The following USP10 variants were observed in gnomAD, a reference collection of about 807,000 sequenced individuals.
USP10 encodes the protein ubiquitin carboxyl-terminal hydrolase 10.
A neutral mutation model predicts 84.5 loss-of-function variants in USP10; 22 were observed. That is an observed-to-expected ratio of 0.26 (90% CI 0.19 to 0.37). The LOEUF is 0.37. Ranked by LOEUF, USP10 falls within the 10% of genes least tolerant of loss-of-function variation. USP10 has a pLI of 1.00. For missense variants in USP10, 1,019 were observed against 998.9 expected (o/e 1.02, Z -0.27); for synonymous variants, 454 against 387.6 (o/e 1.17, Z -2.01).
intron 13 of USP10, among the ~76,000 whole-genome samples, chr16:84,778,363 G>C (rs186294314): frequency 1.3e-5 from 2 of 152,026 alleles, no homozygotes; most frequent in Non-Finnish European, 2.9e-5. Context: ...GCGTATTCCC[G>C]CATCACCATT....
At chr16:84,773,515 C>G (rs1204412182) in intron 12 of USP10, among the ~76,000 whole-genome samples, 2 of 152,162 alleles carry the variant, frequency 1.3e-5, no homozygotes, top group Admixed American at 6.5e-5. Context: ...CCTGTCTACC[C>G]TAGGGGCGCC....
chr16:84,775,173 A>T lies in USP10; in HGVS notation c.2157A>T (p.Pro719=). ...TTTGTTTTCCAGAACTGCTTTCTCC[A>T]GGGGTTAAAAATAAGAATTTTAAAT... ...DLEISKELLS[P]GVKNKNFKCH... is the part of the protein sequence containing the mutation. The change falls in exon 13 of 14, where the codon CCA becomes CCT. Residue 719 remains proline (P), a synonymous_variant. Transcript: ENST00000219473. 1 of 1,613,836 alleles carries T rather than the reference A, an allele frequency of 6.2e-7. No individual in the cohort carries two copies.
At chr16:84,742,465 C>A (rs11641007) in intron 3 of USP10, among the ~76,000 whole-genome samples, 10,647 of 152,284 alleles carry the variant, frequency 0.07, 414 homozygotes, top group Non-Finnish European at 0.077. Flanking sequence ...TCACTAATCT[C>A]TGTATATTTC....
In USP10 at chr16:84,763,080, G is replaced by A; in HGVS notation, c.1646G>A (p.Ser549Asn). ...MLNLKKLLSP[S>N]NEKLTISNGP... Reference sequence around the variant, plus strand: ...AACCTAAAGAAGCTTCTCTCACCAAGTAATGAAAGTAGGTTATGGTCCACT... The same window carrying A: ...AACCTAAAGAAGCTTCTCTCACCAAATAATGAAAGTAGGTTATGGTCCACT... Residue 549 changes from serine (S) to asparagine (N), a missense_variant, in exon 9 of 14, where the codon AGT (serine) becomes AAT (asparagine). Coordinates refer to ENST00000219473, the MANE Select transcript of USP10 (RefSeq NM_005153.3). 6.2e-7 allele frequency: 1 copy of A among 1,608,900 alleles called. No individual in the cohort carries two copies. The highest frequency in any genetic ancestry group is 1.7e-4 in the Middle Eastern group (1 of 6,050).
Position 84,745,630 on chromosome 16 carries a change from G to A in USP10, c.1149G>A (p.Gly383=), listed in dbSNP as rs1299032132. 3.1e-6 allele frequency: 5 copies of A among 1,613,284 alleles called. No individual in the cohort carries two copies. In the African/African-American group the frequency reaches 4.0e-5, roughly 13 times the overall value. ...VSEKQVEVKE[G]LVPVSEDPVA... ...AAAAGCAGGTTGAAGTCAAAGAAGG[G>A]CTTGTTCCGGTTTCAGAGGATCCTG... Residue 383 remains glycine (G), a synonymous_variant, in exon 4 of 14, where the codon GGG becomes GGA. Coordinates refer to ENST00000219473, the MANE Select transcript of USP10 (RefSeq NM_005153.3).
intron 1 of USP10, among the ~76,000 whole-genome samples, chr16:84,715,432 G>C (rs1906885271): frequency 6.6e-6 from 1 of 152,110 alleles, no homozygotes; most frequent in Non-Finnish European, 1.5e-5. Flanking sequence ...TTCTTTTGTA[G>C]TAATTCAGAG....
Position 84,764,237 on chromosome 16 carries a change from C to T in USP10, c.1806C>T (p.Ile602=). ...TRQADFVQTP[I]TGIFGGHIRS... Reference sequence around the variant, plus strand: ...AGGCGGATTTTGTTCAGACTCCAATCACCGGCATTTTTGGTGGACACATCA... The same window carrying T: ...AGGCGGATTTTGTTCAGACTCCAATTACCGGCATTTTTGGTGGACACATCA... The change falls in exon 10 of 14, where the codon ATC becomes ATT. Residue 602 remains isoleucine (I), a synonymous_variant. Transcript: ENST00000219473. The T allele has an allele frequency of 1.2e-6, 2 of 1,614,062 alleles. No individual in the cohort carries two copies. The highest frequency in any genetic ancestry group is 1.7e-6 in the Non-Finnish European group (2 of 1,179,904).
chr16:84,745,168 C>T lies in USP10; in HGVS notation c.687C>T (p.Pro229=), dbSNP rs774851664. 47 of 1,613,202 alleles carry T rather than the reference C, an allele frequency of 2.9e-5. 1 individual carries two copies. The highest frequency in any genetic ancestry group is 2.7e-4 in the East Asian group (12 of 44,876). The change falls in exon 4 of 14, where the codon CCC becomes CCT. Residue 229 remains proline, a synonymous_variant. Coordinates refer to ENST00000219473, the MANE Select transcript of USP10 (RefSeq NM_005153.3). ...ACATTGTGCCTGACAGTCCTTTCCC[C>T]GGAGCACTCGGCAGTGACACCAGGA... ...VSDIVPDSPF[P]GALGSDTRTA...
At chr16:84,754,946 G>C (rs1912351087) in intron 4 of USP10, among the ~76,000 whole-genome samples, 1 of 150,862 alleles carries the variant, frequency 6.6e-6, no homozygotes, top group Non-Finnish European at 1.5e-5. Flanking sequence ...TTCGAGACCA[G>C]CCTGGCCAAT....
intron 1 of USP10, among the ~76,000 whole-genome samples, chr16:84,715,373 G>T (rs760324183): frequency 6.6e-6 from 1 of 152,204 alleles, no homozygotes; most frequent in Non-Finnish European, 1.5e-5. Context: ...AACTGGGCAC[G>T]TTACAAGATG....
In USP10 at chr16:84,745,433, G is replaced by A. The variant is rs1002977893; in HGVS notation, c.952G>A (p.Glu318Lys). 5 of 1,613,630 alleles carry A rather than the reference G, an allele frequency of 3.1e-6. No homozygotes were observed. The highest frequency in any genetic ancestry group is 2.2e-5 in the East Asian group (1 of 44,900). ...CATAGACTTGGACCCAACCAAACCC[G>A]AGAGTGCATCACCTCCTGCTGACGG... Reference protein sequence around the residue: ...ESIDLDPTKPESASPPADGTG... With the variant: ...ESIDLDPTKPKSASPPADGTG... Residue 318 changes from glutamate to lysine, a missense_variant, in exon 4 of 14, where the codon GAG becomes AAG. Around this residue, in one of 2 missense-constraint regions of USP10, gnomAD observed 787 missense variants for 708.8 expected, o/e 1.11. Transcript: ENST00000219473.
At chr16:84,725,433 CTT>C (rs1908330198) in intron 1 of USP10, among the ~76,000 whole-genome samples, 2 of 151,922 alleles carry the variant, frequency 1.3e-5, no homozygotes, top group Admixed American at 1.3e-4. Context: ...GAGTTTTGCT[CTT>C]GTTACCCGGG....
intron 2 of USP10, among the ~76,000 whole-genome samples, chr16:84,735,040 C>A (rs909118191): frequency 6.6e-6 from 1 of 151,936 alleles, no homozygotes; most frequent in South Asian, 2.1e-4. Flanking sequence ...CTTTTCTTTT[C>A]TTTTTTTCGA....
rs1171684793 is a variant in USP10, at chr16:84,763,070, C to G, written c.1636C>G (p.Leu546Val). 1.3e-5 allele frequency: 21 copies of G among 1,610,826 alleles called. No individual in the cohort carries two copies. Among genetic ancestry groups the G allele is most frequent in the Non-Finnish European group, 1.8e-5 (21 of 1,177,572 alleles). The part of the protein sequence containing the change: ...HEEMLNLKKL[L>V]SPSNEKLTIS... ...GGAAATGTTGAACCTAAAGAAGCTT[C>G]TCTCACCAAGTAATGAAAGTAGGTT... Residue 546 changes from leucine (L) to valine (V), a missense_variant, in exon 9 of 14, where the codon CTC becomes GTC. Leu to Val is a conservative substitution (Grantham distance 32). Around this residue, in one of 2 missense-constraint regions of USP10, gnomAD observed 787 missense variants for 708.8 expected, o/e 1.11. Coordinates refer to ENST00000219473, the MANE Select transcript of USP10 (RefSeq NM_005153.3).
At chr16:84,705,234 G>T (rs138616826) in intron 1 of USP10, among the ~76,000 whole-genome samples, 2,246 of 149,950 alleles carry the variant, frequency 0.015, 44 homozygotes, top group African/African-American at 0.047. Flanking sequence ...TGTTTTTTTT[G>T]TTTGTTTTTT....
At chr16:84,715,373 G>A (rs760324183) in intron 1 of USP10, among the ~76,000 whole-genome samples, 8 of 152,204 alleles carry the variant, frequency 5.3e-5, no homozygotes, top group Admixed American at 2.0e-4. Context: ...AACTGGGCAC[G>A]TTACAAGATG....
At chr16:84,751,123 C>G (rs73245611) in intron 4 of USP10, among the ~76,000 whole-genome samples, 4,659 of 152,300 alleles carry the variant, frequency 0.031, 217 homozygotes, top group African/African-American at 0.11. Context: ...TTTCTAGTGA[C>G]CAGTGAGTTG....
chr16:84,713,353 A>T (rs912704300), intron 1 of USP10, among the ~76,000 whole-genome samples: 1 of 151,774 alleles, frequency 6.6e-6, no homozygotes, highest in Non-Finnish European at 1.5e-5. Flanking sequence ...TGCCTGGGCC[A>T]TCTTCTTACA....
intron 8 of USP10, among the ~76,000 whole-genome samples, chr16:84,762,569 G>T (rs7205708): frequency 0.74 from 112,051 of 151,774 alleles, 42,430 homozygotes; most frequent in East Asian, 0.95. Flanking sequence ...CACACACCTG[G>T]AGTCCCAGCT....
Sources: gnomAD v4.1 joint callset for allele counts (sites outside exome capture counted in the v4.1 genomes callset) on GRCh38, gnomAD v4.1.1 for gene constraint, gnomAD v4.1.1 regional missense constraint, MANE v1.5 for transcripts, NCBI Gene and HGNC (gene_info 2026-07-23, HGNC 2026-07-21) for gene names.